Variants in ZNF804B observed in about 807,000 individuals in gnomAD.
ZNF804B encodes zinc finger 804B.
A neutral mutation model predicts 101.4 loss-of-function variants in ZNF804B; 80 were observed. That is an observed-to-expected ratio of 0.79 (90% CI 0.66 to 0.95). The LOEUF (loss-of-function observed/expected upper bound fraction) is 0.95, where lower values mean the gene tolerates loss of function less well. ZNF804B is among the 40% of genes least tolerant of loss of function. The pLI is 0.00. For synonymous variants in ZNF804B, 622 were observed against 558.8 expected, an observed-to-expected ratio of 1.11 and a Z score of -1.59; for missense variants, 1,673 against 1,561.9, an observed-to-expected ratio of 1.07 and a Z score of -1.20.
chr7:88,893,444 A>G (rs1322608318), intron 1 of ZNF804B, among the ~76,000 whole-genome samples: 1 of 152,072 alleles, frequency 6.6e-6, no homozygotes, highest in African/African-American at 2.4e-5. Context: ...TATGTATTTA[A>G]TAAATACATA....
intron 2 of ZNF804B, among the ~76,000 whole-genome samples, chr7:89,288,848 A>G (rs1790244629): frequency 6.6e-6 from 1 of 152,238 alleles, no homozygotes; most frequent in African/African-American, 2.4e-5. Flanking sequence ...GGTAAATATA[A>G]AAGATGATTG....
intron 1 of ZNF804B, among the ~76,000 whole-genome samples, chr7:88,965,566 AG>A (rs1793441996): frequency 6.6e-6 from 1 of 151,456 alleles, no homozygotes; most frequent in African/African-American, 2.4e-5. Flanking sequence ...TGAGCTATAA[AG>A]AGATGAGAAA....
chr7:88,984,044 C>A (rs1032111554), intron 1 of ZNF804B, among the ~76,000 whole-genome samples: 2 of 151,968 alleles, frequency 1.3e-5, no homozygotes, highest in African/African-American at 4.8e-5. Flanking sequence ...AATGAGAAAC[C>A]TAAATGAAAA....
At position 89,045,244 on chromosome 7, in the gene ZNF804B, G is replaced by A. The variant is rs181443546; in HGVS notation, c.109-172911G>A. Among the ~76,000 whole-genome samples the A allele has an allele frequency of 5.9e-5, 9 of 152,330 alleles. No homozygotes were observed. In the East Asian group the frequency reaches 1.5e-3, roughly 26 times the overall value. ...GGGAACCTCCACCTAGATTTCAGAC[G>A]ACGTATGGAAATGCCTGGATGTCCA... On this transcript the variant is annotated intron_variant, in intron 1 of 3. Transcript: ENST00000333190.
intron 1 of ZNF804B, among the ~76,000 whole-genome samples, chr7:88,914,274 C>T (rs961242068): frequency 1.3e-5 from 2 of 152,132 alleles, no homozygotes; most frequent in Admixed American, 1.3e-4. Flanking sequence ...TCTAAAATGG[C>T]TTACAGAGAG....
chr7:88,763,177 A>G (rs1029207300), intron 1 of ZNF804B, among the ~76,000 whole-genome samples: 4 of 152,176 alleles, frequency 2.6e-5, no homozygotes, highest in African/African-American at 4.8e-5. Flanking sequence ...TGTTCAAATC[A>G]CATGTCTGTA....
chr7:89,307,992 A>T (rs1790591538), intron 2 of ZNF804B, among the ~76,000 whole-genome samples: 1 of 152,088 alleles, frequency 6.6e-6, no homozygotes, highest in Non-Finnish European at 1.5e-5. Context: ...AGTTTCCCAA[A>T]TGTGCTTAAT....
intron 1 of ZNF804B, among the ~76,000 whole-genome samples, chr7:88,983,860 C>G (rs572926191): frequency 2.6e-5 from 4 of 152,080 alleles, no homozygotes; most frequent in African/African-American, 9.6e-5. Context: ...GATTCTTGAT[C>G]ATTTACCTTG....
chr7:89,335,871 C>A lies in ZNF804B; in HGVS notation c.2889C>A (p.Cys963Ter), dbSNP rs1791074856. Residue 963 changes from cysteine (C) to a stop codon, truncating the protein, a stop_gained, in exon 4 of 4, where the codon TGC becomes TGA. Transcript: ENST00000333190. LOFTEE classifies it high-confidence loss of function. ...SELEAPSQVPCTIQLAPSGCN... is the reference protein window; with the variant it reads ...SELEAPSQVP ...TAGAGGCTCCTTCGCAAGTCCCATGCACAATTCAACTTGCACCATCAGGCT... is the reference window on the plus strand; with the variant it reads ...TAGAGGCTCCTTCGCAAGTCCCATGAACAATTCAACTTGCACCATCAGGCT... 1 of 1,614,066 alleles carries A rather than the reference C, an allele frequency of 6.2e-7. No individual in the cohort carries two copies.
chr7:89,077,110 C>T (rs558688932), intron 1 of ZNF804B, among the ~76,000 whole-genome samples: 1 of 23,894 alleles, frequency 4.2e-5, no homozygotes, highest in Non-Finnish European at 8.5e-5. Flanking sequence ...GTTGCTTTCC[C>T]TGTCATAATG....
At chr7:89,098,065 T>TAAAATTTATAAATTTTATA (rs1165753726) in intron 1 of ZNF804B, among the ~76,000 whole-genome samples, 1 of 152,128 alleles carries the variant, frequency 6.6e-6, no homozygotes, top group East Asian at 1.9e-4. Flanking sequence ...ACTTTACATA[T>TAAAATTTATAAATTTTATA]AATTTATAAA....
intron 1 of ZNF804B, chr7:88,794,336 C>G (rs1790437271): frequency 1.2e-6 from 2 of 1,613,890 alleles, no homozygotes; most frequent in Non-Finnish European, 1.7e-6. Flanking sequence ...TCAGGTGCAA[C>G]TTGGTGTAAG....
chr7:89,017,155 A>G (rs1788579711), intron 1 of ZNF804B, among the ~76,000 whole-genome samples: 1 of 152,186 alleles, frequency 6.6e-6, no homozygotes, highest in Non-Finnish European at 1.5e-5. Context: ...ATTGGTGTAT[A>G]AGAATGCTTG....
chr7:88,814,447 A>AACACACACACACACAC (rs66471769), intron 1 of ZNF804B, among the ~76,000 whole-genome samples: 1 of 141,280 alleles, frequency 7.1e-6, no homozygotes, highest in African/African-American at 2.6e-5. Context: ...CCTCCCTTCA[A>AACACACACACACACAC]ACACACACAC....
At chr7:88,879,600 A>G (rs1792002136) in intron 1 of ZNF804B, among the ~76,000 whole-genome samples, 1 of 152,180 alleles carries the variant, frequency 6.6e-6, no homozygotes, top group Non-Finnish European at 1.5e-5. Context: ...TTGAAGCCCC[A>G]TGCATAGAAG....
At chr7:89,254,880 A>G (rs1789601870) in intron 2 of ZNF804B, among the ~76,000 whole-genome samples, 1 of 152,130 alleles carries the variant, frequency 6.6e-6, no homozygotes, top group Non-Finnish European at 1.5e-5. Flanking sequence ...TCCTGACCCC[A>G]GGCAATCCAC....
chr7:89,220,543 T>C (rs1788988392), intron 2 of ZNF804B, among the ~76,000 whole-genome samples: 2 of 151,912 alleles, frequency 1.3e-5, no homozygotes, highest in African/African-American at 4.8e-5. Flanking sequence ...CCATCATCGC[T>C]CACCACACCT....
At chr7:89,088,106 C>T (rs954845818) in intron 1 of ZNF804B, among the ~76,000 whole-genome samples, 2 of 151,892 alleles carry the variant, frequency 1.3e-5, no homozygotes, top group African/African-American at 4.8e-5. Context: ...ACAGAAAGAA[C>T]CACAAACCCA....
At chr7:88,848,272 G>T (rs1431277986) in intron 1 of ZNF804B, among the ~76,000 whole-genome samples, 1 of 152,168 alleles carries the variant, frequency 6.6e-6, no homozygotes, top group Non-Finnish European at 1.5e-5. Flanking sequence ...AAGAGATGAA[G>T]CTCAACAGGC....
Sources: allele counts gnomAD v4.1 joint callset (sites outside exome capture counted in the v4.1 genomes callset), GRCh38; gene constraint gnomAD v4.1.1; transcripts MANE v1.5; gene names NCBI Gene and HGNC (gene_info 2026-07-23, HGNC 2026-07-21).